Variants in NUP210 observed in about 807,000 individuals in gnomAD.
NUP210 encodes the protein nuclear pore membrane glycoprotein 210.
Under a neutral mutation model 196.0 loss-of-function variants are expected in NUP210, and 151 were observed. The ratio of observed to expected loss-of-function variants is 0.77; its 90% CI spans 0.67 to 0.88. The LOEUF is 0.88. Among genes scored for constraint, NUP210 ranks in the 40% least tolerant of loss-of-function variants. The probability of loss-of-function intolerance (pLI) is 0.00; values close to 1 mark genes in which losing one functional copy is unlikely to be tolerated. For synonymous variants in NUP210, 1,070 were observed against 1,052.7 expected, an observed-to-expected ratio of 1.02 and a Z score of -0.32; for missense variants, 2,314 against 2,493.7, an observed-to-expected ratio of 0.93 and a Z score of 1.53.
At chr3:13,417,439 G>A (rs547024541) in intron 1 of NUP210, among the ~76,000 whole-genome samples, 109 of 152,210 alleles carry the variant, frequency 7.2e-4, no homozygotes, top group Non-Finnish European at 1.4e-3. Context: ...TGTTCCCACA[G>A]GGTCTGGCAG....
chr3:13,389,620 C>T (rs1306579539), intron 4 of NUP210, among the ~76,000 whole-genome samples: 4 of 152,192 alleles, frequency 2.6e-5, no homozygotes, highest in South Asian at 2.1e-4. Flanking sequence ...AAGGGCAACT[C>T]GGCTCACAAA....
rs201688964 is a variant in NUP210, at chr3:13,371,892, G to A, written c.1728C>T (p.Cys576=). ...CCTCGACAGCCAAGTCAAAGTGGGA[G>A]CAGTCGCTCAAGGTGACCACCTCAC... ...GASEVVTLSD[C]SHFDLAVEVE... is the part of the protein sequence containing the mutation. The change falls in exon 13 of 40, where the codon TGC becomes TGT. Residue 576 remains cysteine, a synonymous_variant. Coordinates refer to ENST00000254508, the MANE Select transcript of NUP210 (RefSeq NM_024923.4). 21 of 1,610,420 alleles carry A rather than the reference G, an allele frequency of 1.3e-5. No individual in the cohort carries two copies. In the African/African-American group the frequency reaches 1.9e-4, roughly 14 times the overall value.
In NUP210 at chr3:13,335,397, T is replaced by C. The variant is rs567478821; in HGVS notation, c.3843+57A>G. The C allele has an allele frequency of 3.9e-5, 62 of 1,572,956 alleles. No individual in the cohort carries two copies. In the East Asian group the frequency reaches 6.3e-4, roughly 16 times the overall value. ...TGCAACATGTGGCCCCGAAGGAAGA[T>C]TGGGCAGCTGGCACTTCCTCTCCCC... On this transcript the variant is annotated intron_variant, in intron 28 of 39. Coordinates refer to ENST00000254508, the MANE Select transcript of NUP210 (RefSeq NM_024923.4).
intron 14 of NUP210, among the ~76,000 whole-genome samples, chr3:13,363,010 G>A (rs1323368703): frequency 5.9e-5 from 9 of 152,198 alleles, no homozygotes; most frequent in Non-Finnish European, 1.5e-5. Flanking sequence ...CTGGAGTGAA[G>A]CTAGTGTGGG....
intron 1 of NUP210, among the ~76,000 whole-genome samples, chr3:13,400,449 GC>G (rs1168719313): frequency 1.3e-5 from 2 of 152,198 alleles, no homozygotes; most frequent in Non-Finnish European, 2.9e-5. Flanking sequence ...CCACAAATGA[GC>G]CCAGACGTCT....
chr3:13,378,525 A>G (rs1698996814), intron 8 of NUP210, among the ~76,000 whole-genome samples: 1 of 152,212 alleles, frequency 6.6e-6, no homozygotes, highest in Non-Finnish European at 1.5e-5. Flanking sequence ...CCTCCCTGCT[A>G]AGGTACCTGC....
chr3:13,379,536 G>A lies in NUP210; in HGVS notation c.976+27C>T, dbSNP rs768774475. On this transcript the variant is annotated intron_variant, in intron 7 of 39. Coordinates refer to ENST00000254508, the MANE Select transcript of NUP210 (RefSeq NM_024923.4). The surrounding 1 kb of genome is among the most constrained non-coding windows in gnomAD (Gnocchi z 4.2). ...CAAACAGCAGCTCCGCCATGCCTAA[G>A]AACACACAAGCCCAAGAAAAGGATA... 1.1e-5 allele frequency: 18 copies of A among 1,613,948 alleles called. No homozygotes were observed. The highest frequency in any genetic ancestry group is 1.5e-5 in the Non-Finnish European group (18 of 1,179,966).
chr3:13,319,401 T>A, intron 37 of NUP210, 76 bp from the exon 38 acceptor site: 1 of 1,236,060 alleles, frequency 8.1e-7, no homozygotes, highest in Non-Finnish European at 1.2e-6. Context: ...TGCCCTACTG[T>A]ACGTCTACAG....
Position 13,325,934 on chromosome 3 carries a change from G to T in NUP210, c.4508-3C>A. 6.2e-7 allele frequency: 1 copy of T among 1,613,784 alleles called. No homozygotes were observed. Among genetic ancestry groups the T allele is most frequent in the Non-Finnish European group, 8.5e-7 (1 of 1,179,966 alleles). On this transcript the variant is annotated splice_region_variant and splice_polypyrimidine_tract_variant and intron_variant, in intron 32 of 39. Transcript: ENST00000254508. ...GGAGCTCCAGGTTCCTGAGAGGCCTGGAGAGGAAGCACAGGTGTCAGCCCC... is the reference window on the plus strand; with the variant it reads ...GGAGCTCCAGGTTCCTGAGAGGCCTTGAGAGGAAGCACAGGTGTCAGCCCC...
intron 4 of NUP210, among the ~76,000 whole-genome samples, chr3:13,390,565 T>C (rs1391515505): frequency 1.3e-5 from 2 of 152,148 alleles, no homozygotes; most frequent in East Asian, 3.9e-4. Context: ...TACAAGTAAA[T>C]AGCTCTGGGG....
chr3:13,339,511 G>A (rs1697370380), intron 25 of NUP210, among the ~76,000 whole-genome samples: 1 of 152,244 alleles, frequency 6.6e-6, no homozygotes, highest in South Asian at 2.1e-4. Flanking sequence ...AGGATTCAAG[G>A]AGATGAAGGC....
At chr3:13,329,604 C>T (rs1576348176) in intron 30 of NUP210, among the ~76,000 whole-genome samples, 2 of 152,134 alleles carry the variant, frequency 1.3e-5, no homozygotes, top group South Asian at 2.1e-4. Context: ...AAAACTAGAG[C>T]GGGGGATTTG....
Position 13,352,204 on chromosome 3 carries a change from C to A in NUP210, c.2629-20G>T. 6.4e-7 allele frequency: 1 copy of A among 1,570,662 alleles called. No homozygotes were observed. Among genetic ancestry groups the A allele is most frequent in the Non-Finnish European group, 8.8e-7 (1 of 1,142,058 alleles). ...GTCATGCTGAAGGACAAGGGCAAGG[C>A]CATTAGATCCAGGAGGACATGATTA... On this transcript the variant is annotated intron_variant, in intron 18 of 39. Coordinates refer to ENST00000254508, the MANE Select transcript of NUP210 (RefSeq NM_024923.4).
chr3:13,349,273 C>T (rs947747251), intron 20 of NUP210, among the ~76,000 whole-genome samples: 1 of 152,222 alleles, frequency 6.6e-6, no homozygotes, highest in East Asian at 1.9e-4. Flanking sequence ...GACTCCCTCA[C>T]CCCCAGCTCT....
intron 11 of NUP210, among the ~76,000 whole-genome samples, chr3:13,375,142 C>CCT (rs1698855674): frequency 7.2e-6 from 1 of 138,440 alleles, no homozygotes; most frequent in Non-Finnish European, 1.5e-5. Flanking sequence ...TATTTTTTCT[C>CCT]TTTTTTTTTT....
intron 13 of NUP210, among the ~76,000 whole-genome samples, chr3:13,370,797 A>G (rs1157572088): frequency 1.3e-5 from 2 of 152,224 alleles, no homozygotes; most frequent in Admixed American, 1.3e-4. Flanking sequence ...ACGCACAGCC[A>G]CTTGGCACCA....
chr3:13,357,855 A>G (rs746909212), intron 16 of NUP210, among the ~76,000 whole-genome samples: 4 of 152,192 alleles, frequency 2.6e-5, no homozygotes, highest in Admixed American at 6.5e-5. Context: ...CTGACCCTAC[A>G]TACCCTGTCC....
chr3:13,404,899 T>C (rs1699956137), intron 1 of NUP210, among the ~76,000 whole-genome samples: 1 of 152,116 alleles, frequency 6.6e-6, no homozygotes, highest in East Asian at 1.9e-4. Context: ...GGGTGGGTAA[T>C]TCTTCACAGA....
intron 2 of NUP210, 130 bp from the exon 3 acceptor site, chr3:13,397,618 G>C (rs1576417798): frequency 3.1e-6 from 3 of 963,658 alleles, no homozygotes; most frequent in Non-Finnish European, 4.3e-6. Flanking sequence ...AAGCCAAGCA[G>C]CTGCCTCACA....
Sources: gnomAD v4.1 joint callset for allele counts (sites outside exome capture counted in the v4.1 genomes callset) on GRCh38, gnomAD v4.1.1 for gene constraint, Gnocchi (gnomAD v3.1) non-coding constraint, MANE v1.5 for transcripts, NCBI Gene and HGNC (gene_info 2026-07-23, HGNC 2026-07-21) for gene names.